The following TFB2M variants were observed in gnomAD, a reference collection of about 807,000 sequenced individuals.
TFB2M encodes the protein dimethyladenosine transferase 2, mitochondrial.
Under a neutral mutation model 41.3 loss-of-function variants are expected in TFB2M, and 44 were observed. The observed-to-expected ratio is 1.07, with a 90% CI of 0.84 to 1.37. TFB2M has a LOEUF of 1.37. TFB2M is among the 40% of genes most tolerant of loss of function. The probability of loss-of-function intolerance (pLI) is 0.00; values close to 1 mark genes in which losing one functional copy is unlikely to be tolerated. For missense variants in TFB2M, 496 were observed against 490.2 expected (o/e 1.01, Z -0.11); for synonymous variants, 188 against 176.8 (o/e 1.06, Z -0.50).
chr1:246,556,581 C>A lies in TFB2M; in HGVS notation c.697G>T (p.Glu233Ter), dbSNP rs1659327427. 7 of 1,500,896 alleles carry A rather than the reference C, an allele frequency of 4.7e-6. No individual in the cohort carries two copies. The highest frequency in any genetic ancestry group is 6.2e-6 in the Non-Finnish European group (7 of 1,120,776). 93.0% of individuals were successfully genotyped at this position (1,500,896 alleles called of 1,614,324 possible). The change falls in exon 4 of 8, where the codon GAA becomes TAA. Residue 233 changes from glutamate to a stop codon, truncating the protein, a stop_gained. Transcript: ENST00000366514. LOFTEE classifies it high-confidence loss of function. ...IEVNMFIGEK[E>*]FQKLMADPGN... ...ATTTGTTAATAACATACCTGGAATT[C>A]TTTTTCACCAATAAACATATTTACT...
At chr1:246,561,937 T>C (rs1359269951) in intron 2 of TFB2M, among the ~76,000 whole-genome samples, 2 of 152,226 alleles carry the variant, frequency 1.3e-5, no homozygotes. Context: ...CTTCTCATTT[T>C]TAATTTCCAA....
intron 1 of TFB2M, among the ~76,000 whole-genome samples, chr1:246,565,570 G>C (rs986647977): frequency 6.6e-6 from 1 of 152,098 alleles, no homozygotes; most frequent in South Asian, 2.1e-4. Flanking sequence ...AAATTAGCTG[G>C]GCGTGGTGGC....
At chr1:246,555,215 G>A (rs1030021963) in intron 4 of TFB2M, among the ~76,000 whole-genome samples, 2 of 152,110 alleles carry the variant, frequency 1.3e-5, no homozygotes, top group South Asian at 2.1e-4. Context: ...TGGAGAAATC[G>A]GAACCCTTGT....
chr1:246,547,398 C>T (rs1002312660), intron 6 of TFB2M, among the ~76,000 whole-genome samples: 5 of 152,170 alleles, frequency 3.3e-5, no homozygotes, highest in East Asian at 1.9e-4. Flanking sequence ...GATAAGTCCC[C>T]AATAGTATCC....
At chr1:246,544,900 G>T (rs1326731733) in intron 6 of TFB2M, among the ~76,000 whole-genome samples, 1 of 152,108 alleles carries the variant, frequency 6.6e-6, no homozygotes, top group Admixed American at 6.6e-5. Context: ...CCATCTCCCG[G>T]GTTCATGCCA....
At chr1:246,557,657 T>G in intron 2 of TFB2M, 123 bp from the exon 3 acceptor site, 1 of 866,952 alleles carries the variant, frequency 1.2e-6, no homozygotes, top group Non-Finnish European at 1.7e-6. Flanking sequence ...TTCAATTACC[T>G]GGGGTTTTTT....
chr1:246,542,663 C>T (rs1420332715), intron 7 of TFB2M, among the ~76,000 whole-genome samples: 2 of 151,908 alleles, frequency 1.3e-5, no homozygotes, highest in South Asian at 2.1e-4. Flanking sequence ...CAGAGTGAGA[C>T]TCTCTGTCTG....
chr1:246,565,760 CGAG>C, intron 1 of TFB2M, 63 bp downstream of exon 1: 1 of 1,515,858 alleles, frequency 6.6e-7, no homozygotes, highest in Non-Finnish European at 9.0e-7. Context: ...AATAGCACCC[CGAG>C]GAGGGTCAAT....
At chr1:246,544,983 T>G (rs1006119351) in intron 6 of TFB2M, among the ~76,000 whole-genome samples, 8 of 151,972 alleles carry the variant, frequency 5.3e-5, no homozygotes, top group Admixed American at 6.5e-5. Context: ...TTTTTTGTAT[T>G]TTTAGTAGAG....
intron 6 of TFB2M, among the ~76,000 whole-genome samples, chr1:246,547,715 A>C (rs1659060752): frequency 6.6e-6 from 1 of 152,060 alleles, no homozygotes; most frequent in Non-Finnish European, 1.5e-5. Flanking sequence ...TCTAATTCTA[A>C]AGTGAAACTT....
intron 6 of TFB2M, among the ~76,000 whole-genome samples, chr1:246,546,979 ACAC>A (rs1659038075): frequency 8.8e-6 from 1 of 114,170 alleles, no homozygotes; most frequent in Non-Finnish European, 1.9e-5. Flanking sequence ...ACACACACAC[ACAC>A]ATTTTTTTTT....
intron 6 of TFB2M, among the ~76,000 whole-genome samples, chr1:246,547,977 T>G (rs952607121): frequency 1.3e-5 from 2 of 148,686 alleles, no homozygotes; most frequent in Non-Finnish European, 1.5e-5. Context: ...AGACAGAGTC[T>G]CGCTCTGTTG....
chr1:246,554,871 A>G (rs1659279943), intron 4 of TFB2M, among the ~76,000 whole-genome samples: 1 of 152,206 alleles, frequency 6.6e-6, no homozygotes, highest in Non-Finnish European at 1.5e-5. Flanking sequence ...CATCAAAATG[A>G]AAAACTTTGG....
At chr1:246,557,248 G>A (rs1173142856) in intron 3 of TFB2M, 133 bp downstream of exon 3, 1 of 1,028,566 alleles carries the variant, frequency 9.7e-7, no homozygotes, top group Non-Finnish European at 1.4e-6. Flanking sequence ...ACTCCAGCCT[G>A]GGTGACAGAG....
chr1:246,559,945 C>G (rs191425172), intron 2 of TFB2M, among the ~76,000 whole-genome samples: 1 of 152,314 alleles, frequency 6.6e-6, no homozygotes, highest in East Asian at 1.9e-4. Context: ...GAAAGAGTAC[C>G]TACCTAATGC....
chr1:246,541,948 G>A (rs550143604), intron 7 of TFB2M, among the ~76,000 whole-genome samples: 23 of 152,154 alleles, frequency 1.5e-4, no homozygotes, highest in Non-Finnish European at 3.1e-4. Flanking sequence ...GAAATGCACT[G>A]TTAGGTGATT....
At chr1:246,558,841 T>C (rs1412860231) in intron 2 of TFB2M, among the ~76,000 whole-genome samples, 3 of 152,198 alleles carry the variant, frequency 2.0e-5, no homozygotes, top group Non-Finnish European at 4.4e-5. Flanking sequence ...TGCTCTGATT[T>C]GCTCATCTTG....
intron 6 of TFB2M, among the ~76,000 whole-genome samples, chr1:246,548,096 G>A (rs1042427557): frequency 6.6e-5 from 10 of 152,056 alleles, no homozygotes; most frequent in Admixed American, 1.3e-4. Context: ...ACAGGCATGC[G>A]CCACCACACC....
chr1:246,551,329 T>C (rs80342781), intron 4 of TFB2M, 27 bp from the exon 5 acceptor site: 2 of 1,488,772 alleles, frequency 1.3e-6, no homozygotes, highest in South Asian at 1.1e-5. Flanking sequence ...AAAAATTACA[T>C]GTTATACACA....
Sources: allele counts gnomAD v4.1 joint callset (sites outside exome capture counted in the v4.1 genomes callset), GRCh38; gene constraint gnomAD v4.1.1; transcripts MANE v1.5; gene names NCBI Gene and HGNC (gene_info 2026-07-23, HGNC 2026-07-21).